Variants in ROBO2 observed in about 807,000 individuals in gnomAD.
ROBO2 encodes the protein roundabout guidance receptor 2, also known as roundabout homolog 2.
Under a neutral mutation model 160.8 loss-of-function variants are expected in ROBO2, and 53 were observed. That is an observed-to-expected ratio of 0.33 (90% CI 0.26 to 0.41). The LOEUF (loss-of-function observed/expected upper bound fraction) is 0.41, where lower values mean the gene tolerates loss of function less well. ROBO2 is among the 10% of genes least tolerant of loss of function. The probability of loss-of-function intolerance (pLI) is 1.00; values close to 1 mark genes in which losing one functional copy is unlikely to be tolerated. For synonymous variants in ROBO2, 664 were observed against 611.7 expected (o/e 1.09, Z -1.26); for missense variants, 1,577 against 1,722.4 (o/e 0.92, Z 1.49).
intron 2 of ROBO2, among the ~76,000 whole-genome samples, chr3:76,259,051 T>C (rs1706575665): frequency 6.6e-6 from 1 of 152,136 alleles, no homozygotes; most frequent in East Asian, 1.9e-4. Context: ...CTGAGTATTA[T>C]TTTTGTAAAA....
chr3:76,996,240 G>A (rs975475588), intron 2 of ROBO2, among the ~76,000 whole-genome samples: 1 of 151,998 alleles, frequency 6.6e-6, no homozygotes, highest in African/African-American at 2.4e-5. Context: ...TTTGTCAGGT[G>A]TGTCAAAGAT....
intron 2 of ROBO2, among the ~76,000 whole-genome samples, chr3:77,325,333 G>C (rs1313296853): frequency 1.3e-5 from 2 of 152,132 alleles, no homozygotes; most frequent in Admixed American, 1.3e-4. Context: ...TCTGCTTCAG[G>C]GTTTTGGGCA....
At chr3:77,103,810 A>G (rs1208154862) in intron 2 of ROBO2, among the ~76,000 whole-genome samples, 1 of 152,212 alleles carries the variant, frequency 6.6e-6, no homozygotes, top group Non-Finnish European at 1.5e-5. Context: ...TGTACAAAGA[A>G]GAGAGGCTAC....
intron 1 of ROBO2, among the ~76,000 whole-genome samples, chr3:77,069,824 C>T (rs2067225710): frequency 6.6e-6 from 1 of 152,114 alleles, no homozygotes; most frequent in South Asian, 2.1e-4. Context: ...GGTAGGGCCA[C>T]ACTTTCTCTG....
At chr3:76,055,211 A>G (rs1159595823) in intron 2 of ROBO2, among the ~76,000 whole-genome samples, 1 of 152,150 alleles carries the variant, frequency 6.6e-6, no homozygotes, top group Non-Finnish European at 1.5e-5. Flanking sequence ...CCATGATTCA[A>G]TATCTCCCAC....
At chr3:76,196,237 T>TA (rs1172336504) in intron 2 of ROBO2, among the ~76,000 whole-genome samples, 5 of 152,302 alleles carry the variant, frequency 3.3e-5, no homozygotes, top group Admixed American at 2.6e-4. Flanking sequence ...AGGCTGATGA[T>TA]ACTGACTTAA....
intron 2 of ROBO2, among the ~76,000 whole-genome samples, chr3:77,143,743 T>C (rs2076909873): frequency 6.6e-6 from 1 of 152,174 alleles, no homozygotes; most frequent in Non-Finnish European, 1.5e-5. Context: ...TTTTGCTAAA[T>C]TTTTTGATTC....
At chr3:77,507,702 T>C (rs2088765752) in intron 5 of ROBO2, among the ~76,000 whole-genome samples, 1 of 152,170 alleles carries the variant, frequency 6.6e-6, no homozygotes, top group Non-Finnish European at 1.5e-5. Context: ...TTTAATCCAG[T>C]AAAACAATTA....
intron 5 of ROBO2, among the ~76,000 whole-genome samples, chr3:77,521,232 G>A (rs1582670292): frequency 6.6e-6 from 1 of 151,110 alleles, no homozygotes; most frequent in Non-Finnish European, 1.5e-5. Context: ...ACTCTTACAA[G>A]CACATTAAGA....
At chr3:76,533,904 G>A (rs1039315781) in intron 2 of ROBO2, among the ~76,000 whole-genome samples, 4 of 152,068 alleles carry the variant, frequency 2.6e-5, no homozygotes, top group African/African-American at 9.7e-5. Context: ...AGGGTCAATC[G>A]GTGAAGGCAG....
At chr3:76,010,119 T>C (rs2066151152) in intron 2 of ROBO2, among the ~76,000 whole-genome samples, 1 of 152,238 alleles carries the variant, frequency 6.6e-6, no homozygotes, top group South Asian at 2.1e-4. Context: ...TCTTTAAAAC[T>C]TAATAAAAAT....
chr3:76,941,542 T>G (rs1280273895), intron 2 of ROBO2, among the ~76,000 whole-genome samples: 1 of 152,212 alleles, frequency 6.6e-6, no homozygotes, highest in Non-Finnish European at 1.5e-5. Context: ...CAAATTATTT[T>G]AAAACTGAGT....
chr3:77,522,861 G>A (rs1022340985), exon 6 of ROBO2: 5 of 1,609,464 alleles, frequency 3.1e-6, no homozygotes, highest in Non-Finnish European at 2.5e-6. Context: ...GCTGAGAATC[G>A]GGTTGGAAAA....
At chr3:76,927,167 G>A (rs141280093) in intron 2 of ROBO2, among the ~76,000 whole-genome samples, 114 of 152,120 alleles carry the variant, frequency 7.5e-4, no homozygotes, top group African/African-American at 2.7e-3. Context: ...CTAACAGATG[G>A]TCAACTAATT....
chr3:76,745,777 A>T (rs949841688), intron 2 of ROBO2, among the ~76,000 whole-genome samples: 2 of 149,312 alleles, frequency 1.3e-5, no homozygotes, highest in African/African-American at 4.9e-5. Context: ...AAATACTCAA[A>T]TAATTTTTTT....
chr3:77,502,293 A>C (rs545872106), intron 5 of ROBO2, among the ~76,000 whole-genome samples: 284 of 152,308 alleles, frequency 1.9e-3, no homozygotes, highest in South Asian at 3.7e-3. Context: ...TTTATCATAT[A>C]GTCACAGAAT....
rs549879744 is a variant in ROBO2, at chr3:77,053,419, T to C, written c.61+12573T>C. Among the ~76,000 whole-genome samples, 527 of 152,322 alleles carry C rather than the reference T, an allele frequency of 3.5e-3. 3 individuals are homozygous for C. The highest frequency in any genetic ancestry group is 0.011 in the African/African-American group (476 of 41,566). ...TCCAAAGGCTTTACTTTCATCTGAA[T>C]ATGAGAACAAACAACATGTTAAAGA... On this transcript the variant is annotated intron_variant, in intron 1 of 25. Coordinates refer to ENST00000461745, the Ensembl canonical transcript of ROBO2.
chr3:76,830,742 TG>T (rs1190690368), intron 2 of ROBO2, among the ~76,000 whole-genome samples: 1 of 149,548 alleles, frequency 6.7e-6, no homozygotes, highest in East Asian at 2.0e-4. Flanking sequence ...CTCGGGAGGC[TG>T]AGGCAGAAGA....
intron 2 of ROBO2, among the ~76,000 whole-genome samples, chr3:76,024,951 A>T (rs574439469): frequency 6.7e-6 from 1 of 150,066 alleles, no homozygotes; most frequent in South Asian, 2.1e-4. Context: ...ATATATATAT[A>T]TTATATATAT....
Sources: gnomAD v4.1 joint callset for allele counts (sites outside exome capture counted in the v4.1 genomes callset) on GRCh38, gnomAD v4.1.1 for gene constraint, MANE v1.5 for transcripts, NCBI Gene and HGNC (gene_info 2026-07-23, HGNC 2026-07-21) for gene names.